SDAD1: variants seen among roughly 807,000 people sequenced by gnomAD.
SDAD1 encodes the protein SDA1 domain containing 1.
Under a neutral mutation model 100.3 loss-of-function variants are expected in SDAD1, and 79 were observed. The ratio of observed to expected loss-of-function variants is 0.79; its 90% confidence interval spans 0.66 to 0.95. The LOEUF (loss-of-function observed/expected upper bound fraction) is 0.95, where lower values mean the gene tolerates loss of function less well. SDAD1 is among the 40% of genes least tolerant of loss of function. The probability of loss-of-function intolerance (pLI) is 0.00; values close to 1 mark genes in which losing one functional copy is unlikely to be tolerated. For synonymous variants in SDAD1, 267 were observed against 271.4 expected, an observed-to-expected ratio of 0.98 and a Z score of 0.16; for missense variants, 790 against 810.9, an observed-to-expected ratio of 0.97 and a Z score of 0.31.
At chr4:75,980,682 C>T (rs1281008977) in intron 3 of SDAD1, 1 of 152,460 alleles carries the variant, frequency 6.6e-6, no homozygotes, top group African/African-American at 2.4e-5. Flanking sequence ...GGAGCACATC[C>T]TGCATTGGAG....
chr4:75,973,514 G>T, intron 7 of SDAD1, 123 bp from the exon 8 acceptor site: 1 of 667,174 alleles, frequency 1.5e-6, no homozygotes. Flanking sequence ...AAAGAGTGGT[G>T]GGATTTTTGT....
chr4:75,989,004 G>A (rs2149335723), intron 1 of SDAD1, among the ~76,000 whole-genome samples: 1 of 152,118 alleles, frequency 6.6e-6, no homozygotes, highest in East Asian at 1.9e-4. Flanking sequence ...GTAACTTCCA[G>A]AGTAAATTCT....
chr4:75,963,217 T>C (rs1729346903), intron 14 of SDAD1, among the ~76,000 whole-genome samples: 1 of 151,984 alleles, frequency 6.6e-6, no homozygotes, highest in Non-Finnish European at 1.5e-5. Flanking sequence ...TGTGGTATTA[T>C]ATCTGAGGGC....
At chr4:75,962,585 G>A (rs957494173) in intron 14 of SDAD1, among the ~76,000 whole-genome samples, 11 of 152,216 alleles carry the variant, frequency 7.2e-5, no homozygotes, top group African/African-American at 2.2e-4. Context: ...TTTAATGATC[G>A]CCATTCTAAC....
intron 8 of SDAD1, 51 bp downstream of exon 8, chr4:75,973,266 T>C: frequency 7.0e-7 from 1 of 1,429,558 alleles, no homozygotes; most frequent in Non-Finnish European, 9.9e-7. Context: ...CAATGTGTAC[T>C]CAGAGCAATA....
At chr4:75,978,982 G>GAAAAAAAAAAAAAAA (rs538009004) in intron 3 of SDAD1, among the ~76,000 whole-genome samples, 448 of 38,050 alleles carry the variant, frequency 0.012, 58 homozygotes, top group East Asian at 0.032. Context: ...CCCTGTCTCA[G>GAAAAAAAAAAAAAAA]AAAAAAAAAA....
intron 8 of SDAD1, 97 bp from the exon 9 acceptor site, chr4:75,971,555 T>C: frequency 1.2e-6 from 1 of 838,140 alleles, no homozygotes; most frequent in Non-Finnish European, 2.0e-6. Flanking sequence ...TTATACTCTT[T>C]GCACACAGCT....
In SDAD1 at chr4:75,965,757, T is replaced by C; in HGVS notation, c.1104+7A>G. The C allele has an allele frequency of 1.2e-6, 2 of 1,612,646 alleles. No individual in the cohort carries two copies. The highest frequency in any genetic ancestry group is 1.7e-6 in the Non-Finnish European group (2 of 1,178,782). On this transcript the variant is annotated splice_region_variant and intron_variant, in intron 13 of 21. Transcript: ENST00000356260. The stretch of plus-strand genomic sequence containing the variant: ...CTAGGTCCAGAAGTCAGGTTACAGG[T>C]TCTCACCTCTGGGGGTACTAGGTGA...
chr4:75,972,416 A>C (rs1348657415), intron 8 of SDAD1, among the ~76,000 whole-genome samples: 2 of 151,194 alleles, frequency 1.3e-5, no homozygotes, highest in Admixed American at 6.6e-5. Context: ...AAAAAAAAAA[A>C]CACACAAACA....
chr4:75,975,742 A>C lies in SDAD1; in HGVS notation c.578+2T>G. On this transcript the variant is annotated splice_donor_variant, in intron 6 of 21. Coordinates refer to ENST00000356260, the MANE Select transcript of SDAD1 (RefSeq NM_018115.4). LOFTEE classifies it high-confidence loss of function. ...CTCAAGAGACAAATATATATACACTACCAGATGTTCCTTCTGTAGAGTTCA... is the reference window on the plus strand; with the variant it reads ...CTCAAGAGACAAATATATATACACTCCCAGATGTTCCTTCTGTAGAGTTCA... 1 of 1,600,314 alleles carries C rather than the reference A, an allele frequency of 6.2e-7. No homozygotes were observed. Among genetic ancestry groups the C allele is most frequent in the Non-Finnish European group, 8.6e-7 (1 of 1,167,518 alleles).
In SDAD1 at chr4:75,981,401, G is replaced by T. The variant is rs775962849; in HGVS notation, c.265C>A (p.His89Asn). Residue 89 changes from histidine to asparagine, a missense_variant, in exon 3 of 22, where the codon CAT (histidine) becomes AAT (asparagine). Physicochemically the swap from His to Asn is moderately conservative, Grantham distance 68 (BLOSUM62 1). Transcript: ENST00000356260. ...QEVKDLLSCN[H>N]TVLDPDLRMT... ...CGCAGATCTGGATCCAATACGGTAT[G>T]ATTGCAGGAGAGAAGATCTTTCACC... 6.2e-7 allele frequency: 1 copy of T among 1,613,850 alleles called. No homozygotes were observed. Among genetic ancestry groups the T allele is most frequent in the Non-Finnish European group, 8.5e-7 (1 of 1,179,800 alleles).
intron 1 of SDAD1, among the ~76,000 whole-genome samples, chr4:75,982,909 C>A (rs923612720): frequency 1.3e-5 from 2 of 151,962 alleles, no homozygotes; most frequent in Non-Finnish European, 2.9e-5. Flanking sequence ...ACCTGTCATC[C>A]ACATTAGGTA....
At chr4:75,952,673 A>C (rs549112686) in intron 21 of SDAD1, among the ~76,000 whole-genome samples, 1 of 152,338 alleles carries the variant, frequency 6.6e-6, no homozygotes, top group Non-Finnish European at 1.5e-5. Flanking sequence ...CCTTGGGGTC[A>C]CAGGGCAGTT....
intron 1 of SDAD1, among the ~76,000 whole-genome samples, chr4:75,983,461 CCTGA>C (rs1286436526): frequency 5.9e-5 from 9 of 152,196 alleles, no homozygotes; most frequent in African/African-American, 2.2e-4. Context: ...TCTGCTGTTT[CCTGA>C]CTTTTTAATG....
At chr4:75,959,710 T>C (rs1729122281) in intron 17 of SDAD1, among the ~76,000 whole-genome samples, 1 of 152,162 alleles carries the variant, frequency 6.6e-6, no homozygotes, top group Admixed American at 6.5e-5. Context: ...AAATTCAACA[T>C]GCATTCTCCT....
Position 75,990,900 on chromosome 4 carries a change from C to G in SDAD1, c.-59G>C. 6.2e-7 allele frequency: 1 copy of G among 1,601,754 alleles called. No homozygotes were observed. Among genetic ancestry groups the G allele is most frequent in the Non-Finnish European group, 8.5e-7 (1 of 1,170,278 alleles). ...TTAAAAAAACTCAGACGGCCGGCAC[C>G]CCGCAATCCCTGCCAGCTGCAGCTT... On this transcript the variant is annotated 5_prime_UTR_variant, in exon 1 of 22. Transcript: ENST00000356260.
intron 1 of SDAD1, among the ~76,000 whole-genome samples, chr4:75,988,753 A>G (rs944501705): frequency 1.3e-5 from 2 of 152,316 alleles, no homozygotes; most frequent in Admixed American, 1.3e-4. Context: ...AAATGGCACT[A>G]TCATCTACCT....
chr4:75,979,513 T>C (rs1730368320), intron 3 of SDAD1, among the ~76,000 whole-genome samples: 1 of 151,798 alleles, frequency 6.6e-6, no homozygotes, highest in South Asian at 2.1e-4. Context: ...TGGAGTGCAA[T>C]GGCGCGATCT....
chr4:75,977,690 G>C lies in SDAD1; in HGVS notation c.361C>G (p.Leu121Val). ...TGGCAACGAAAAAGTTCAAAGAAGA[G>C]TTCTAGCAGGCTTGATGGATTGATG... ...NLINPSSLLE[L>V]FFELFRCHDK... The change falls in exon 4 of 22, where the codon CTC becomes GTC. Residue 121 changes from leucine (L) to valine (V), a missense_variant. Transcript: ENST00000356260. 1.2e-6 allele frequency: 2 copies of C among 1,613,468 alleles called. No homozygotes were observed. The highest frequency in any genetic ancestry group is 1.1e-5 in the South Asian group (1 of 90,976).
Sources: allele counts gnomAD v4.1 joint callset (sites outside exome capture counted in the v4.1 genomes callset), GRCh38; gene constraint gnomAD v4.1.1; transcripts MANE v1.5; gene names NCBI Gene and HGNC (gene_info 2026-07-23, HGNC 2026-07-21).